Variants in MIA2 observed in about 807,000 individuals in gnomAD.
MIA2 encodes the protein melanoma inhibitory activity protein 2.
MIA2 carries 127 observed loss-of-function variants against 167.8 expected under a neutral mutation model. The ratio of observed to expected loss-of-function variants is 0.76; its 90% CI spans 0.66 to 0.88. The LOEUF (loss-of-function observed/expected upper bound fraction) is 0.88. MIA2 is among the 40% of genes least tolerant of loss of function. The pLI, the probability that MIA2 is intolerant of heterozygous loss-of-function variation, is 0.00. For missense variants in MIA2, 1,690 were observed against 1,624.7 expected, an observed-to-expected ratio of 1.04 and a Z score of -0.69; for synonymous variants, 552 against 541.9, an observed-to-expected ratio of 1.02 and a Z score of -0.26.
At chr14:39,305,150 G>A (rs564149560) in intron 17 of MIA2, among the ~76,000 whole-genome samples, 1 of 152,264 alleles carries the variant, frequency 6.6e-6, no homozygotes, top group South Asian at 2.1e-4. Flanking sequence ...TGTTTTAAAA[G>A]ATTGAACCAC....
rs143951707 is a variant in MIA2, at chr14:39,307,029, G to C, written c.2879-1420G>C. Among the ~76,000 whole-genome samples, 870 of 152,098 alleles carry C rather than the reference G, an allele frequency of 5.7e-3. 9 individuals carry two copies. Among genetic ancestry groups the C allele is most frequent in the African/African-American group, 0.019 (801 of 41,482 alleles). On this transcript the variant is annotated intron_variant, in intron 17 of 28. Transcript: ENST00000640607. ...GCGGTTGAAACAACGCTTAAAGTTG[G>C]TATTTTTCTCTCTGGTCTTGATCTG... is the stretch of plus-strand genomic sequence containing the variant.
intron 25 of MIA2, among the ~76,000 whole-genome samples, chr14:39,334,087 C>G (rs562195446): frequency 6.6e-6 from 1 of 152,178 alleles, no homozygotes; most frequent in East Asian, 1.9e-4. Context: ...TAGAGTAATG[C>G]TGATAAATGT....
At chr14:39,305,322 C>G (rs894172896) in intron 17 of MIA2, among the ~76,000 whole-genome samples, 2 of 152,154 alleles carry the variant, frequency 1.3e-5, no homozygotes, top group Non-Finnish European at 2.9e-5. Flanking sequence ...GAAAAGATAG[C>G]TTACTTTCAA....
intron 20 of MIA2, 58 bp from the exon 21 acceptor site, chr14:39,315,625 A>C: frequency 7.7e-7 from 1 of 1,304,744 alleles, no homozygotes; most frequent in Middle Eastern, 1.8e-4. Context: ...GTAGATGTGA[A>C]TGTTTTTTAC....
rs139865314 is a variant in MIA2, at chr14:39,329,653, G to GT, written c.3655+2648dup. Among the ~76,000 whole-genome samples the GT allele has an allele frequency of 4.7e-3, 656 of 140,764 alleles. 3 individuals are homozygous for GT. The highest frequency in any genetic ancestry group is 7.6e-3 in the Middle Eastern group (2 of 264). The allele number at this position is 140,764 out of a possible 152,430, so 92.3% of individuals were successfully genotyped here. On this transcript the variant is annotated intron_variant, in intron 25 of 28. Coordinates refer to ENST00000640607, the MANE Select transcript of MIA2 (RefSeq NM_001329214.4). ...GTTCCATCACTACCTAGTTTATTGAGTTTTTTTTTTTTTTTTTAGCATGAA... is the reference window on the plus strand; with the variant it reads ...GTTCCATCACTACCTAGTTTATTGAGTTTTTTTTTTTTTTTTTTAGCATGAA...
chr14:39,335,951 G>T (rs1469805572), intron 25 of MIA2, among the ~76,000 whole-genome samples: 1 of 152,154 alleles, frequency 6.6e-6, no homozygotes, highest in Non-Finnish European at 1.5e-5. Flanking sequence ...CTTTCTTATG[G>T]CTGTGTAGTA....
chr14:39,337,480 A>G (rs1397386669), intron 25 of MIA2, among the ~76,000 whole-genome samples: 1 of 152,244 alleles, frequency 6.6e-6, no homozygotes, highest in Non-Finnish European at 1.5e-5. Context: ...GCAGCAGAAT[A>G]CACGTGTTTT....
chr14:39,321,920 C>G (rs2066521580), intron 24 of MIA2, among the ~76,000 whole-genome samples: 1 of 151,914 alleles, frequency 6.6e-6, no homozygotes, highest in African/African-American at 2.4e-5. Context: ...GCCACCACAC[C>G]TGGCTAATTT....
chr14:39,356,675 T>C (rs1422588668), intron 23 of MIA2, among the ~76,000 whole-genome samples: 1 of 152,262 alleles, frequency 6.6e-6, no homozygotes, highest in African/African-American at 2.4e-5. Context: ...TTCTGCTTTC[T>C]CTTGTGGGCA....
chr14:39,238,811 A>AAAAAAAAAAAAAAAACAAAACAAAAAAC, intron 2 of MIA2, among the ~76,000 whole-genome samples: 39 of 103,630 alleles, frequency 3.8e-4, no homozygotes, highest in African/African-American at 5.9e-4. Context: ...AAAAAAAAAA[A>AAAAAAAAAAAAAAAACAAAACAAAAAAC]CCCAAAAAAC....
chr14:39,328,684 G>C (rs1481237717), intron 25 of MIA2, among the ~76,000 whole-genome samples: 2 of 152,106 alleles, frequency 1.3e-5, no homozygotes, highest in Non-Finnish European at 2.9e-5. Flanking sequence ...CTCTGCATAA[G>C]GCTAGCCATT....
At chr14:39,365,951 TCTG>T (rs1238393785) in intron 23 of MIA2, among the ~76,000 whole-genome samples, 1 of 152,208 alleles carries the variant, frequency 6.6e-6, no homozygotes, top group Non-Finnish European at 1.5e-5. Context: ...AATCACTTCT[TCTG>T]ATTTTTTGTA....
At chr14:39,266,056 G>C (rs1191335462) in intron 6 of MIA2, 6 of 985,400 alleles carry the variant, frequency 6.1e-6, no homozygotes, top group Non-Finnish European at 7.2e-6. Flanking sequence ...GCCAGTTTTT[G>C]ATTTTTTAAA....
At chr14:39,346,129 C>T in intron 26 of MIA2, 103 bp downstream of exon 26, 1 of 904,728 alleles carries the variant, frequency 1.1e-6, no homozygotes. Flanking sequence ...CTAGTAGTTC[C>T]TAAGGCCAAA....
chr14:39,297,666 C>CGCGTGTGTGTGT (rs1555375078), intron 13 of MIA2, among the ~76,000 whole-genome samples: 1 of 140,074 alleles, frequency 7.1e-6, no homozygotes, highest in Non-Finnish European at 1.5e-5. Context: ...TAGGGTTTTG[C>CGCGTGTGTGTGT]GTGTGTGTGT....
At chr14:39,314,485 G>C (rs2064965761) in intron 19 of MIA2, among the ~76,000 whole-genome samples, 1 of 151,318 alleles carries the variant, frequency 6.6e-6, no homozygotes, top group Admixed American at 6.6e-5. Flanking sequence ...AAATATTTAT[G>C]TGACTTTGGG....
At chr14:39,381,240 G>A (rs564864796) in intron 23 of MIA2, among the ~76,000 whole-genome samples, 74 of 152,222 alleles carry the variant, frequency 4.9e-4, no homozygotes, top group African/African-American at 1.6e-3. Flanking sequence ...GGAAAGATAG[G>A]CAGAAGTAAA....
At chr14:39,283,025 G>A (rs886206677) in intron 9 of MIA2, among the ~76,000 whole-genome samples, 2 of 152,112 alleles carry the variant, frequency 1.3e-5, no homozygotes, top group African/African-American at 4.8e-5. Context: ...ATTTTACTTA[G>A]CAAAATGTCT....
At chr14:39,285,435 C>CA (rs2059522358) in intron 9 of MIA2, among the ~76,000 whole-genome samples, 1 of 140,314 alleles carries the variant, frequency 7.1e-6, no homozygotes, top group Non-Finnish European at 1.6e-5. Flanking sequence ...CTGACCCCCC[C>CA]ACCTTCCTCC....
Sources: allele counts gnomAD v4.1 joint callset (sites outside exome capture counted in the v4.1 genomes callset), GRCh38; gene constraint gnomAD v4.1.1; transcripts MANE v1.5; gene names NCBI Gene and HGNC (gene_info 2026-07-23, HGNC 2026-07-21).